URB2: variants seen among roughly 807,000 people sequenced by gnomAD.
URB2 encodes URB2 ribosome biogenesis homolog.
A neutral mutation model predicts 120.9 loss-of-function variants in URB2; 86 were observed. That is an observed-to-expected ratio of 0.71 (90% CI 0.60 to 0.85). The LOEUF is 0.85. Among genes scored for constraint, URB2 ranks in the 40% least tolerant of loss-of-function variants. The pLI is 0.00. For missense variants in URB2, 1,765 were observed against 1,836.5 expected (o/e 0.96, Z 0.71); for synonymous variants, 755 against 758.4 (o/e 1.00, Z 0.07).
Position 229,654,402 on chromosome 1 carries a change from C to A in URB2, c.4377+14C>A, listed in dbSNP as rs1666356674. On this transcript the variant is annotated intron_variant, in intron 9 of 9. Coordinates refer to ENST00000258243, the MANE Select transcript of URB2 (RefSeq NM_014777.4). ...GAGGTACAGAAGGTAAAATTGGGTT[C>A]AATGTCTTTCACCAAGTACTGTGTT... is the stretch of plus-strand genomic sequence containing the variant. The A allele has an allele frequency of 6.2e-7, 1 of 1,614,084 alleles. No individual in the cohort carries two copies. Among genetic ancestry groups the A allele is most frequent in the African/African-American group, 1.3e-5 (1 of 75,034 alleles).
intron 9 of URB2, among the ~76,000 whole-genome samples, chr1:229,655,534 A>G (rs1666386262): frequency 6.6e-6 from 1 of 152,208 alleles, no homozygotes; most frequent in Admixed American, 6.5e-5. Flanking sequence ...GCGCCCAGCC[A>G]TTCAACAGTT....
At chr1:229,644,101 C>A (rs551735275) in intron 5 of URB2, among the ~76,000 whole-genome samples, 17 of 152,352 alleles carry the variant, frequency 1.1e-4, no homozygotes, top group Non-Finnish European at 2.4e-4. Context: ...TTAGCCTACC[C>A]CCTTCAGTTC....
Position 229,627,779 on chromosome 1 carries a change from C to A in URB2, c.126+20C>A. On this transcript the variant is annotated intron_variant, in intron 2 of 9. Coordinates refer to ENST00000258243, the MANE Select transcript of URB2 (RefSeq NM_014777.4). Reference sequence around the variant, plus strand: ...GAACAAGTAAGTTTAATGTGAAACTCATATTTTTACAGTCTGTCAAGATAA... The same window carrying A: ...GAACAAGTAAGTTTAATGTGAAACTAATATTTTTACAGTCTGTCAAGATAA... 6.3e-7 allele frequency: 1 copy of A among 1,594,600 alleles called. No individual in the cohort carries two copies. The highest frequency in any genetic ancestry group is 1.2e-5 in the South Asian group (1 of 86,906).
chr1:229,641,678 T>A lies in URB2; in HGVS notation c.3635-1855T>A, dbSNP rs375651226. 2.4e-4 allele frequency among the ~76,000 whole-genome samples: 37 copies of A among 152,258 alleles called. 1 individual carries two copies. In the East Asian group the frequency reaches 6.8e-3, roughly 28 times the overall value. On this transcript the variant is annotated intron_variant, in intron 4 of 9. Coordinates refer to ENST00000258243, the MANE Select transcript of URB2 (RefSeq NM_014777.4). The stretch of plus-strand genomic sequence containing the variant: ...AGGTGGGCTTTTGTAAAGAATGCCT[T>A]CTGACAGCAGAACAGAGGACCTGAA...
intron 7 of URB2, among the ~76,000 whole-genome samples, chr1:229,650,653 A>G (rs1334699743): frequency 6.6e-6 from 1 of 151,790 alleles, no homozygotes; most frequent in Non-Finnish European, 1.5e-5. Flanking sequence ...CTGGTCTCCA[A>G]CTCCTGACCT....
Position 229,637,597 on chromosome 1 carries a change from T to A in URB2, c.2984T>A (p.Leu995Gln), listed in dbSNP as rs1205139253. Residue 995 changes from leucine to glutamine, a missense_variant, in exon 4 of 10, where the codon CTG (leucine) becomes CAG (glutamine). Physicochemically the swap from Leu to Gln is moderately radical, Grantham distance 113. Coordinates refer to ENST00000258243, the MANE Select transcript of URB2 (RefSeq NM_014777.4). ...FLIEMDDPAW[L>Q]EFLQVIGTFL... ...ATTGAGATGGATGATCCCGCTTGGC[T>A]GGAATTCCTCCAAGTGATAGGGACG... 1.2e-6 allele frequency: 2 copies of A among 1,614,084 alleles called. No homozygotes were observed. Among genetic ancestry groups the A allele is most frequent in the Non-Finnish European group, 1.7e-6 (2 of 1,180,016 alleles).
intron 2 of URB2, among the ~76,000 whole-genome samples, chr1:229,631,427 G>A (rs1665664268): frequency 2.0e-5 from 3 of 152,162 alleles, no homozygotes; most frequent in South Asian, 4.1e-4. Context: ...TTCACGATTT[G>A]GTTAATTGGC....
chr1:229,636,973 C>G lies in URB2; in HGVS notation c.2360C>G (p.Thr787Arg), dbSNP rs780733911. The G allele has an allele frequency of 1.2e-6, 2 of 1,614,150 alleles. No homozygotes were observed. The highest frequency in any genetic ancestry group is 1.7e-6 in the Non-Finnish European group (2 of 1,180,032). The change falls in exon 4 of 10, where the codon ACA becomes AGA. Residue 787 changes from threonine (T) to arginine (R), a missense_variant. Transcript: ENST00000258243. ...TCAATAGATGAAGAGGCATACATCA[C>G]ACTGGAAAAAATATCCAAAGCCTTC... ...EVSIDEEAYI[T>R]LEKISKAFLH...
At position 229,635,759 on chromosome 1, in the gene URB2, C is replaced by G. The variant is rs368220711; in HGVS notation, c.1146C>G (p.His382Gln). Residue 382 changes from histidine (H) to glutamine (Q), a missense_variant, in exon 4 of 10, where the codon CAC (histidine) becomes CAG (glutamine). His to Gln is a conservative substitution (Grantham distance 24). Coordinates refer to ENST00000258243, the MANE Select transcript of URB2 (RefSeq NM_014777.4). The part of the protein sequence containing the change: ...IYNIAADRIR[H>Q]EEAQFRFYRH... ...ACATCGCTGCCGACAGAATTCGGCA[C>G]GAAGAGGCTCAGTTCCGCTTTTACC... is the stretch of plus-strand genomic sequence containing the variant. 6.2e-7 allele frequency: 1 copy of G among 1,614,180 alleles called. No homozygotes were observed. Among genetic ancestry groups the G allele is most frequent in the South Asian group, 1.1e-5 (1 of 91,086 alleles).
At chr1:229,656,571 A>G (rs1666412443) in intron 9 of URB2, among the ~76,000 whole-genome samples, 1 of 152,246 alleles carries the variant, frequency 6.6e-6, no homozygotes, top group African/African-American at 2.4e-5. Flanking sequence ...CTACTGAGAG[A>G]GCCATAAATC....
intron 9 of URB2, among the ~76,000 whole-genome samples, chr1:229,656,743 G>A (rs1331486439): frequency 1.3e-5 from 2 of 152,190 alleles, no homozygotes; most frequent in African/African-American, 4.8e-5. Context: ...AGGAGAAGGG[G>A]CAGCTCCAGA....
chr1:229,628,333 A>T (rs1665584787), intron 2 of URB2, among the ~76,000 whole-genome samples: 1 of 149,986 alleles, frequency 6.7e-6, no homozygotes, highest in South Asian at 2.1e-4. Context: ...AGGTGGGAGG[A>T]TCCCTTGAGC....
chr1:229,647,219 GT>G (rs1310286529), intron 6 of URB2, among the ~76,000 whole-genome samples: 1 of 152,234 alleles, frequency 6.6e-6, no homozygotes, highest in Non-Finnish European at 1.5e-5. Context: ...CAGGGCTGCT[GT>G]GTATCTGAGA....
chr1:229,641,201 T>C (rs1666004268), intron 4 of URB2, among the ~76,000 whole-genome samples: 1 of 151,890 alleles, frequency 6.6e-6, no homozygotes, highest in South Asian at 2.1e-4. Context: ...TTAGTAGAGA[T>C]GGGGTTTTAC....
At position 229,638,165 on chromosome 1, in the gene URB2, G is replaced by C; in HGVS notation, c.3552G>C (p.Leu1184=). 1 of 1,614,164 alleles carries C rather than the reference G, an allele frequency of 6.2e-7. No individual in the cohort carries two copies. The highest frequency in any genetic ancestry group is 8.5e-7 in the Non-Finnish European group (1 of 1,180,026). The change falls in exon 4 of 10, where the codon CTG becomes CTC. Residue 1184 remains leucine, a synonymous_variant. Coordinates refer to ENST00000258243, the MANE Select transcript of URB2 (RefSeq NM_014777.4). The stretch of plus-strand genomic sequence containing the variant: ...AGGCAGCCTTGCAGTTTTTGACTCT[G>C]TTCTTTTTGGCCCCAGAACTGCATC... ...SFQAALQFLT[L]FFLAPELHPK...
chr1:229,635,251 C>T lies in URB2; in HGVS notation c.638C>T (p.Ser213Phe). Reference sequence around the variant, plus strand: ...TGCCTGGTCCTGAGGCACTTACTCTCTGGGGGCACATGGACGCAGGCTGGC... The same window carrying T: ...TGCCTGGTCCTGAGGCACTTACTCTTTGGGGGCACATGGACGCAGGCTGGC... ...QPCLVLRHLL[S>F]GGTWTQAGQG... is the part of the protein sequence containing the mutation. The change falls in exon 4 of 10, where the codon TCT becomes TTT. Residue 213 changes from serine (S) to phenylalanine (F), a missense_variant. Transcript: ENST00000258243. 1.2e-6 allele frequency: 2 copies of T among 1,614,238 alleles called. No homozygotes were observed. The highest frequency in any genetic ancestry group is 1.7e-6 in the Non-Finnish European group (2 of 1,180,054).
intron 4 of URB2, among the ~76,000 whole-genome samples, chr1:229,638,518 C>T (rs1041117543): frequency 1.3e-4 from 19 of 151,956 alleles, no homozygotes; most frequent in Admixed American, 1.1e-3. Context: ...TGGTGGCAGG[C>T]GCCTGTAGTC....
In URB2 at chr1:229,636,744, G is replaced by A. The variant is rs766418598; in HGVS notation, c.2131G>A (p.Gly711Ser). 7 of 1,611,968 alleles carry A rather than the reference G, an allele frequency of 4.3e-6. No individual in the cohort carries two copies. The highest frequency in any genetic ancestry group is 1.1e-5 in the South Asian group (1 of 90,880). ...RCDAAFIIGS[G>S]RKSLNQRTTA... is the part of the protein sequence containing the mutation. ...CGATGCTGCCTTTATTATTGGTTCC[G>A]GCAGAAAAAGCTTGAATCAGAGAAC... is the stretch of plus-strand genomic sequence containing the variant. The change falls in exon 4 of 10, where the codon GGC becomes AGC. Residue 711 changes from glycine (G) to serine (S), a missense_variant. By Grantham distance (56) the Gly-to-Ser change is moderately conservative. Coordinates refer to ENST00000258243, the MANE Select transcript of URB2 (RefSeq NM_014777.4).
intron 5 of URB2, 24 bp from the exon 6 acceptor site, chr1:229,645,835 T>A: frequency 6.2e-7 from 1 of 1,604,894 alleles, no homozygotes. Context: ...TCTCTGCCGC[T>A]AAGTTTTTTC....
Sources: allele counts gnomAD v4.1 joint callset (sites outside exome capture counted in the v4.1 genomes callset), GRCh38; gene constraint gnomAD v4.1.1; transcripts MANE v1.5; gene names NCBI Gene and HGNC (gene_info 2026-07-23, HGNC 2026-07-21).